Variants in ATXN3 observed in about 807,000 individuals in gnomAD.
ATXN3 encodes the protein ataxin-3.
A neutral mutation model predicts 58.2 loss-of-function variants in ATXN3; 28 were observed. That is an observed-to-expected ratio of 0.48 (90% CI 0.36 to 0.66). ATXN3 has a LOEUF of 0.66. ATXN3 is among the 30% of genes least tolerant of loss of function. The pLI, the probability that ATXN3 is intolerant of heterozygous loss-of-function variation, is 0.00. For missense variants in ATXN3, 321 were observed against 422.1 expected, an observed-to-expected ratio of 0.76 and a Z score of 2.10; for synonymous variants, 113 against 138.5, an observed-to-expected ratio of 0.82 and a Z score of 1.29.
chr14:92,070,803 A>G (rs1199353639), intron 10 of ATXN3, 132 bp downstream of exon 10: 2 of 1,520,818 alleles, frequency 1.3e-6, no homozygotes, highest in Non-Finnish European at 1.8e-6. Flanking sequence ...TTAGTAGATT[A>G]CAAATTTACT....
chr14:92,070,547 C>A (rs1344810033), intron 10 of ATXN3, among the ~76,000 whole-genome samples: 1 of 152,140 alleles, frequency 6.6e-6, no homozygotes, highest in East Asian at 1.9e-4. Flanking sequence ...ACACTGCACT[C>A]CAGCCTGGGT....
Position 92,064,427 on chromosome 14 carries a change from A to G in ATXN3, c.992-13T>C. The G allele has an allele frequency of 6.3e-7, 1 of 1,575,358 alleles. No homozygotes were observed. The highest frequency in any genetic ancestry group is 8.7e-7 in the Non-Finnish European group (1 of 1,153,378). Reference sequence around the variant, plus strand: ...CTCATAGCATCACCTGTTGGGAAACAAAACCACATTTCTTTAAAATTTCCA... The same window carrying G: ...CTCATAGCATCACCTGTTGGGAAACGAAACCACATTTCTTTAAAATTTCCA... On this transcript the variant is annotated splice_polypyrimidine_tract_variant and intron_variant, in intron 10 of 10. Coordinates refer to ENST00000644486, the MANE Select transcript of ATXN3 (RefSeq NM_004993.6).
upstream of ATXN3, among the ~76,000 whole-genome samples, chr14:92,053,518 A>G (rs1460119409): frequency 2.3e-5 from 3 of 130,402 alleles, no homozygotes; most frequent in Admixed American, 1.7e-4. Context: ...ATTATTTGAG[A>G]TGGGGTCTCA....
chr14:92,085,185 AT>A lies in ATXN3; in HGVS notation c.476-1928del, dbSNP rs1217635413. ...TTGGGTTTTATTCAAGACTTCACAT[AT>A]TTTTTTTTTTTAATTTTTTTTTGAG... On this transcript the variant is annotated intron_variant, in intron 6 of 10. Transcript: ENST00000644486. Among the ~76,000 whole-genome samples the A allele has an allele frequency of 1.1e-3, 155 of 146,840 alleles. 1 individual carries two copies. Among genetic ancestry groups the A allele is most frequent in the Admixed American group, 2.9e-3 (42 of 14,614 alleles).
intron 5 of ATXN3, among the ~76,000 whole-genome samples, chr14:92,092,785 C>CA (rs1196951121): frequency 3.3e-5 from 5 of 150,930 alleles, no homozygotes; most frequent in Admixed American, 2.0e-4. Flanking sequence ...AACCATGCTA[C>CA]ACACACACAC....
intron 10 of ATXN3, among the ~76,000 whole-genome samples, chr14:92,068,901 T>G (rs1255333103): frequency 6.6e-6 from 1 of 152,058 alleles, no homozygotes; most frequent in African/African-American, 2.4e-5. Flanking sequence ...AGCTCATGTT[T>G]TATACAAATG....
chr14:92,101,628 C>A (rs2066812323), intron 1 of ATXN3, among the ~76,000 whole-genome samples: 1 of 152,146 alleles, frequency 6.6e-6, no homozygotes, highest in Non-Finnish European at 1.5e-5. Flanking sequence ...GAGGCCAAGG[C>A]AGGTTGATCA....
chr14:92,062,049 A>G lies in ATXN3; in HGVS notation c.*2271T>C, dbSNP rs2057813288. The G allele has an allele frequency of 1.3e-5, 2 of 152,414 alleles. No homozygotes were observed. The highest frequency in any genetic ancestry group is 4.1e-4 in the South Asian group (2 of 4,826). The allele number at this position is 152,414 out of a possible 1,614,324, so 9.4% of individuals were successfully genotyped here. A position where few individuals can be genotyped will look rare whatever the true frequency, so the allele number is the denominator to read the frequency against. On this transcript the variant is annotated 3_prime_UTR_variant, in exon 11 of 11. Coordinates refer to ENST00000644486, the MANE Select transcript of ATXN3 (RefSeq NM_004993.6). ...GGCAGGCGGATCACCTGAGGTCAGGAGTTCGAGACCAGCCTGGCCAAACAT... is the reference window on the plus strand; with the variant it reads ...GGCAGGCGGATCACCTGAGGTCAGGGGTTCGAGACCAGCCTGGCCAAACAT...
rs890147951 is a variant in ATXN3, at chr14:92,064,087, A to G, written c.*233T>C. The G allele has an allele frequency of 1.2e-4, 35 of 296,672 alleles. No individual in the cohort carries two copies. The highest frequency in any genetic ancestry group is 6.3e-4 in the African/African-American group (29 of 45,764). 18.4% of individuals were successfully genotyped at this position (296,672 alleles called of 1,614,324 possible). On this transcript the variant is annotated 3_prime_UTR_variant, in exon 11 of 11. Transcript: ENST00000644486. Reference sequence around the variant, plus strand: ...ACTCAAAAAAGAAAAAGAAACATTTAGAAAACTATTTTAAATGTCTTTAAT... The same window carrying G: ...ACTCAAAAAAGAAAAAGAAACATTTGGAAAACTATTTTAAATGTCTTTAAT...
chr14:92,082,808 T>C (rs1024541387), intron 7 of ATXN3, among the ~76,000 whole-genome samples: 9 of 151,848 alleles, frequency 5.9e-5, no homozygotes, highest in African/African-American at 1.7e-4. Context: ...CACCACCACA[T>C]CTGGCTAATT....
intron 6 of ATXN3, among the ~76,000 whole-genome samples, chr14:92,088,170 G>A (rs914284700): frequency 2.0e-5 from 3 of 151,866 alleles, no homozygotes; most frequent in South Asian, 4.1e-4. Flanking sequence ...CTGGGTTCAC[G>A]CCATTCTCCT....
rs77399878 is a variant in ATXN3, at chr14:92,045,477, G to A, written n.277-519C>T. Among the ~76,000 whole-genome samples, 842 of 152,222 alleles carry A rather than the reference G, an allele frequency of 5.5e-3. 12 individuals are homozygous for A. The highest frequency in any genetic ancestry group is 0.019 in the African/African-American group (777 of 41,534). On this transcript the variant is annotated intron_variant and non_coding_transcript_variant, in intron 2 of 2. Transcript: ENST00000564606. ...TGAAAGTGTCTTCCCAGACCAAGAG[G>A]TATTTTAGTTTCCTAACTCAGGGCA... is the stretch of plus-strand genomic sequence containing the variant.
chr14:92,098,530 T>A (rs1241445326), intron 1 of ATXN3, among the ~76,000 whole-genome samples: 2 of 152,112 alleles, frequency 1.3e-5, no homozygotes, highest in African/African-American at 4.8e-5. Context: ...GAGCCTGCAG[T>A]GAGCCAAGAC....
intron 9 of ATXN3, 79 bp from the exon 10 acceptor site, chr14:92,071,132 A>T (rs2140368203): frequency 1.3e-6 from 2 of 1,515,548 alleles, no homozygotes; most frequent in Non-Finnish European, 1.8e-6. Context: ...ACTATTCATA[A>T]GGAAAATACA....
intron 1 of ATXN3, among the ~76,000 whole-genome samples, chr14:92,097,993 T>C (rs1053434657): frequency 1.3e-5 from 2 of 152,178 alleles, no homozygotes; most frequent in African/African-American, 4.8e-5. Flanking sequence ...ACATCATCTA[T>C]CAAATGCATC....
chr14:92,060,265 TA>T lies in ATXN3; in HGVS notation c.*4054del, dbSNP rs367664867. 14,058 of 116,852 alleles carry T rather than the reference TA, an allele frequency of 0.12. 762 individuals carry two copies. Among genetic ancestry groups the T allele is most frequent in the African/African-American group, 0.14 (4,146 of 29,606 alleles). 7.2% of individuals were successfully genotyped at this position (116,852 alleles called of 1,614,324 possible). On this transcript the variant is annotated 3_prime_UTR_variant, in exon 11 of 11. Coordinates refer to ENST00000644486, the MANE Select transcript of ATXN3 (RefSeq NM_004993.6). Reference sequence around the variant, plus strand: ...ATATACACACATATATATATATATATATATATTTTTTTTTTTCAGAAACAGT... The same window carrying T: ...ATATACACACATATATATATATATATTATATTTTTTTTTTTCAGAAACAGT...
At chr14:92,091,920 C>T (rs2063920760) in intron 5 of ATXN3, among the ~76,000 whole-genome samples, 2 of 151,756 alleles carry the variant, frequency 1.3e-5, no homozygotes, top group Admixed American at 1.3e-4. Context: ...GTCCTGAACT[C>T]CTTGAGCTCA....
At chr14:92,083,324 C>T in intron 6 of ATXN3, 66 bp from the exon 7 acceptor site, 2 of 1,458,912 alleles carry the variant, frequency 1.4e-6, no homozygotes, top group Non-Finnish European at 1.9e-6. Context: ...ATGTAAAACA[C>T]TAGTAGATAA....
At chr14:92,102,027 C>A (rs1374393888) in intron 1 of ATXN3, among the ~76,000 whole-genome samples, 6 of 151,932 alleles carry the variant, frequency 3.9e-5, no homozygotes, top group Admixed American at 3.9e-4. Context: ...GTGGCACATG[C>A]CTATAGTCCC....
Sources: allele counts gnomAD v4.1 joint callset (sites outside exome capture counted in the v4.1 genomes callset), GRCh38; gene constraint gnomAD v4.1.1; transcripts MANE v1.5; gene names NCBI Gene and HGNC (gene_info 2026-07-23, HGNC 2026-07-21).